Variants in FNDC3A observed in about 807,000 individuals in gnomAD.
The protein encoded by FNDC3A is fibronectin type-III domain-containing protein 3A.
FNDC3A carries 32 observed loss-of-function variants against 148.9 expected under a neutral mutation model. The ratio of observed to expected loss-of-function variants is 0.21; its 90% CI spans 0.16 to 0.29. The LOEUF is 0.29. Ranked by LOEUF, FNDC3A falls within the 10% of genes least tolerant of loss-of-function variation. The pLI is 1.00. For missense variants in FNDC3A, 1,191 were observed against 1,452.8 expected (o/e 0.82, Z 2.93); for synonymous variants, 472 against 473.6 (o/e 1.00, Z 0.04).
rs1880155633 is a variant in FNDC3A, at chr13:49,106,076, C to T, written c.176-8579C>T. Reference sequence around the variant, plus strand: ...GGTGACAGTGGTGTCCTTGTTAAGTCTTAAACATGCCAGTCATGTTCCCCC... The same window carrying T: ...GGTGACAGTGGTGTCCTTGTTAAGTTTTAAACATGCCAGTCATGTTCCCCC... On this transcript the variant is annotated intron_variant, in intron 3 of 25. Coordinates refer to ENST00000492622, the MANE Select transcript of FNDC3A (RefSeq NM_001079673.2). 2.6e-5 allele frequency among the ~76,000 whole-genome samples: 4 copies of T among 152,158 alleles called. No individual in the cohort carries two copies. The South Asian group carries it at 8.3e-4, about 32-fold the overall frequency.
chr13:48,976,829 G>A (rs1951611875), intron 1 of FNDC3A: 1 of 152,268 alleles, frequency 6.6e-6, no homozygotes, highest in Non-Finnish European at 1.5e-5. Context: ...CAGTCGGGAG[G>A]TGGACTCGAG....
At chr13:49,181,523 A>G (rs1171938577) in intron 14 of FNDC3A, among the ~76,000 whole-genome samples, 4 of 152,184 alleles carry the variant, frequency 2.6e-5, no homozygotes, top group Admixed American at 2.6e-4. Context: ...GGAGGAAAAA[A>G]AAACAGGAAG....
At chr13:49,008,315 G>A (rs1952262380) in intron 2 of FNDC3A, among the ~76,000 whole-genome samples, 1 of 152,136 alleles carries the variant, frequency 6.6e-6, no homozygotes, top group South Asian at 2.1e-4. Context: ...AGAGGTGGGA[G>A]CGCAATAAAC....
chr13:49,019,026 A>G (rs1238884641), intron 2 of FNDC3A, among the ~76,000 whole-genome samples: 1 of 149,842 alleles, frequency 6.7e-6, no homozygotes, highest in Non-Finnish European at 1.5e-5. Context: ...AGGGACATTT[A>G]AGTCTGCAGA....
At chr13:49,069,552 C>T (rs1395076311) in intron 2 of FNDC3A, among the ~76,000 whole-genome samples, 2 of 152,176 alleles carry the variant, frequency 1.3e-5, no homozygotes. Flanking sequence ...CTCTTCTTGC[C>T]TGGCCAATTC....
chr13:49,015,458 AG>A (rs1394163138), intron 2 of FNDC3A, among the ~76,000 whole-genome samples: 2 of 152,200 alleles, frequency 1.3e-5, no homozygotes, highest in African/African-American at 4.8e-5. Flanking sequence ...TTGTATCCTG[AG>A]ACTTTGCTGA....
chr13:49,113,043 C>T (rs962330576), intron 3 of FNDC3A, among the ~76,000 whole-genome samples: 2 of 149,354 alleles, frequency 1.3e-5, no homozygotes, highest in African/African-American at 4.9e-5. Flanking sequence ...CTCCCCACCT[C>T]TTCTGTCCTT....
intron 1 of FNDC3A, among the ~76,000 whole-genome samples, chr13:49,004,481 C>A (rs893911000): frequency 1.3e-5 from 2 of 151,850 alleles, no homozygotes; most frequent in Non-Finnish European, 2.9e-5. Context: ...AAGGTAATAC[C>A]TTAAGTGGAA....
At chr13:49,093,688 A>G (rs1879336057) in intron 3 of FNDC3A, among the ~76,000 whole-genome samples, 1 of 152,142 alleles carries the variant, frequency 6.6e-6, no homozygotes. Flanking sequence ...ATGGTGCTCT[A>G]CTCATAGTCC....
At chr13:49,084,575 A>G (rs921309354) in intron 3 of FNDC3A, among the ~76,000 whole-genome samples, 5 of 152,130 alleles carry the variant, frequency 3.3e-5, no homozygotes, top group Admixed American at 3.3e-4. Context: ...TTATTTTCTC[A>G]TGATTTGACT....
At chr13:49,043,344 C>T (rs1875099669) in intron 2 of FNDC3A, among the ~76,000 whole-genome samples, 1 of 152,108 alleles carries the variant, frequency 6.6e-6, no homozygotes, top group Admixed American at 6.5e-5. Context: ...ATACTAATTT[C>T]TTTGAAATTT....
At chr13:49,159,504 TAAG>T (rs1333941094) in intron 8 of FNDC3A, among the ~76,000 whole-genome samples, 1 of 152,228 alleles carries the variant, frequency 6.6e-6, no homozygotes, top group Admixed American at 6.5e-5. Context: ...CTTATCAGCT[TAAG>T]GAGGTTTCGG....
intron 3 of FNDC3A, among the ~76,000 whole-genome samples, chr13:49,110,990 T>C (rs1291161548): frequency 6.6e-6 from 1 of 152,118 alleles, no homozygotes; most frequent in East Asian, 1.9e-4. Flanking sequence ...AGCTCCATGA[T>C]TGGGGTAAAT....
intron 2 of FNDC3A, among the ~76,000 whole-genome samples, chr13:49,029,087 C>T (rs1873930976): frequency 6.6e-6 from 1 of 152,182 alleles, no homozygotes; most frequent in Admixed American, 6.5e-5. Context: ...GGTCCTCCCA[C>T]CTTAACCTCC....
chr13:49,187,029 TAAACC>T, intron 15 of FNDC3A, 88 bp from the exon 16 acceptor site: 1 of 827,948 alleles, frequency 1.2e-6, no homozygotes, highest in Non-Finnish European at 1.9e-6. Flanking sequence ...TTTTTTTTTT[TAAACC>T]TAGTTTGGTA....
rs537122183 is a variant in FNDC3A at position 49,019,310 on chromosome 13, C to T, written c.99+13021C>T. 5.3e-5 allele frequency among the ~76,000 whole-genome samples: 8 copies of T among 152,354 alleles called. No homozygotes were observed. In the East Asian group the frequency reaches 5.8e-4, roughly 11 times the overall value. On this transcript the variant is annotated intron_variant, in intron 2 of 25. Coordinates refer to ENST00000492622, the MANE Select transcript of FNDC3A (RefSeq NM_001079673.2). ...TGCGGGATATAATCTTCTGGTGCGC[C>T]GTTTTTTAAGCCCGTCGGAAAAGCG...
intron 2 of FNDC3A, among the ~76,000 whole-genome samples, chr13:49,027,472 TTCTG>T (rs1159307338): frequency 3.3e-5 from 5 of 152,196 alleles, no homozygotes; most frequent in Non-Finnish European, 7.3e-5. Context: ...AAAAATTTTT[TTCTG>T]TCTGATTTAA....
chr13:49,022,748 C>G (rs1027387249), intron 2 of FNDC3A, among the ~76,000 whole-genome samples: 1 of 152,070 alleles, frequency 6.6e-6, no homozygotes, highest in African/African-American at 2.4e-5. Flanking sequence ...TTCTTAGAAG[C>G]TTTGGAAAGG....
intron 1 of FNDC3A, among the ~76,000 whole-genome samples, chr13:48,994,875 A>C (rs1435243017): frequency 6.6e-6 from 1 of 152,168 alleles, no homozygotes; most frequent in Non-Finnish European, 1.5e-5. Flanking sequence ...ATGAAACTAG[A>C]CTGGTCATGA....
Sources: gnomAD v4.1 joint callset for allele counts (sites outside exome capture counted in the v4.1 genomes callset) on GRCh38, gnomAD v4.1.1 for gene constraint, MANE v1.5 for transcripts, NCBI Gene and HGNC (gene_info 2026-07-23, HGNC 2026-07-21) for gene names.